The following DGKD variants were observed in gnomAD, a reference collection of about 807,000 sequenced individuals.
DGKD encodes the protein diacylglycerol kinase delta, also known as DAG kinase delta.
DGKD carries 68 observed loss-of-function variants against 154.4 expected under a neutral mutation model. The ratio of observed to expected loss-of-function variants is 0.44; its 90% CI spans 0.36 to 0.54. DGKD has a LOEUF of 0.54. Ranked by LOEUF, DGKD falls within the 20% of genes least tolerant of loss-of-function variation. DGKD has a pLI of 0.00. For missense variants in DGKD, 1,343 were observed against 1,593.6 expected, an observed-to-expected ratio of 0.84 and a Z score of 2.68; for synonymous variants, 693 against 638.0, an observed-to-expected ratio of 1.09 and a Z score of -1.30.
rs13403445 is a variant in DGKD at position 233,431,488 on chromosome 2, A to G, written c.349-2892A>G. ...TGGAAAAAATAATTCTAAAATTTAT[A>G]TGGATCCAGAATAGCCAAAAGACCC... is the stretch of plus-strand genomic sequence containing the variant. On this transcript the variant is annotated intron_variant, in intron 3 of 29. Transcript: ENST00000264057. Among the ~76,000 whole-genome samples the G allele has an allele frequency of 7.5e-3, 1,135 of 152,332 alleles. 11 individuals carry two copies. The highest frequency in any genetic ancestry group is 0.026 in the African/African-American group (1,062 of 41,562).
intron 3 of DGKD, among the ~76,000 whole-genome samples, chr2:233,431,750 T>G (rs544451994): frequency 6.6e-6 from 1 of 152,360 alleles, no homozygotes; most frequent in Non-Finnish European, 1.5e-5. Context: ...TAAATGGTGC[T>G]GGGAAAACTG....
At chr2:233,367,685 C>T (rs189390731) in intron 1 of DGKD, among the ~76,000 whole-genome samples, 654 of 152,256 alleles carry the variant, frequency 4.3e-3, no homozygotes, top group Admixed American at 6.9e-3. Context: ...CAAAGACTCT[C>T]ACTTCTATAT....
chr2:233,438,426 G>C lies in DGKD; in HGVS notation c.1085+47G>C, dbSNP rs2062770309. 6.4e-7 allele frequency: 1 copy of C among 1,550,434 alleles called. No homozygotes were observed. The highest frequency in any genetic ancestry group is 1.4e-5 in the African/African-American group (1 of 70,262). Reference sequence around the variant, plus strand: ...TCTTTCTTGGAGTTTTAAAAATTGTGTAGATAGTGTGTGCTTGTTAAAAAA... The same window carrying C: ...TCTTTCTTGGAGTTTTAAAAATTGTCTAGATAGTGTGTGCTTGTTAAAAAA... On this transcript the variant is annotated intron_variant, in intron 9 of 29. Coordinates refer to ENST00000264057, the MANE Select transcript of DGKD (RefSeq NM_152879.3). The surrounding 1 kb of genome is among the most constrained non-coding windows in gnomAD (Gnocchi z 4.1).
intron 26 of DGKD, among the ~76,000 whole-genome samples, chr2:233,463,419 A>G (rs1201912588): frequency 1.6e-5 from 2 of 127,372 alleles, no homozygotes; most frequent in African/African-American, 6.2e-5. Context: ...GCATCTCCTC[A>G]CTCCACGCAT....
chr2:233,385,861 C>T (rs1703142656), intron 1 of DGKD: 5 of 442,420 alleles, frequency 1.1e-5, no homozygotes, highest in Admixed American at 1.1e-4. Flanking sequence ...TGGTCTTTAT[C>T]TTTTCCCCAG....
At chr2:233,401,848 A>G (rs1335304832) in intron 3 of DGKD, among the ~76,000 whole-genome samples, 1 of 138,790 alleles carries the variant, frequency 7.2e-6, no homozygotes, top group African/African-American at 2.7e-5. Context: ...TGAACCCGGG[A>G]GGCAGAGGTT....
chr2:233,381,925 T>A (rs549640138), intron 1 of DGKD, among the ~76,000 whole-genome samples: 1 of 152,276 alleles, frequency 6.6e-6, no homozygotes, highest in South Asian at 2.1e-4. Context: ...AAAATACTCA[T>A]GAAAATTTAA....
chr2:233,459,928 A>G lies in DGKD; in HGVS notation c.2829+37A>G, dbSNP rs1221137260. On this transcript the variant is annotated intron_variant, in intron 23 of 29. Transcript: ENST00000264057. This position sits in a 1 kb window ranked among gnomAD's most constrained non-coding sequence, Gnocchi z 5.7. ...TGCCCGCGGTACCTGGGTGGGGTAC[A>G]GGGCTCACCTGTGGGCTCTTGTGTG... 2 of 1,604,216 alleles carry G rather than the reference A, an allele frequency of 1.2e-6. No individual in the cohort carries two copies. Among genetic ancestry groups the G allele is most frequent in the Admixed American group, 1.7e-5 (1 of 58,854 alleles).
chr2:233,467,037 C>T (rs941668449), intron 27 of DGKD, 49 bp from the exon 28 acceptor site: 16 of 1,445,210 alleles, frequency 1.1e-5, no homozygotes, highest in Middle Eastern at 1.7e-4. Flanking sequence ...GGCATGAGGC[C>T]GTGATCAGTT....
intron 1 of DGKD, among the ~76,000 whole-genome samples, chr2:233,359,671 A>G (rs1366131521): frequency 6.6e-6 from 1 of 152,174 alleles, no homozygotes; most frequent in African/African-American, 2.4e-5. Context: ...TACTAGTGGG[A>G]ATACCATGGG....
At chr2:233,363,653 C>CA (rs1220940883) in intron 1 of DGKD, among the ~76,000 whole-genome samples, 1 of 152,224 alleles carries the variant, frequency 6.6e-6, no homozygotes, top group African/African-American at 2.4e-5. Flanking sequence ...GAGCAACTTC[C>CA]AGCCCTGCAA....
rs763855669 is a variant in DGKD, at chr2:233,467,168, A to C, written c.3389A>C (p.Lys1130Thr). The change falls in exon 28 of 30, where the codon AAG (lysine) becomes ACG (threonine). Residue 1130 changes from lysine (K) to threonine (T), a missense_variant. This residue lies in a region of DGKD where 429 missense variants were observed against 496.3 expected (regional missense o/e 0.86). Transcript: ENST00000264057. ...AAGTTTAAAAAGGAGAAAAACAACA[A>C]GAACAAAGAAGCTCACAGTAGCCTG... Reference protein sequence around the residue: ...VTKFKKEKNNKNKEAHSSLGA... With the variant: ...VTKFKKEKNNTNKEAHSSLGA... 1.2e-6 allele frequency: 2 copies of C among 1,614,214 alleles called. No individual in the cohort carries two copies. Among genetic ancestry groups the C allele is most frequent in the Non-Finnish European group, 1.7e-6 (2 of 1,180,028 alleles).
intron 17 of DGKD, 112 bp downstream of exon 17, chr2:233,451,162 A>T: frequency 9.0e-7 from 1 of 1,108,110 alleles, no homozygotes; most frequent in African/African-American, 1.6e-5. Context: ...CCCCTGAGAA[A>T]GATAGGTGGA....
At position 233,354,570 on chromosome 2, in the gene DGKD, C is replaced by A; in HGVS notation, c.52C>A (p.Pro18Thr). ...PPPGPPQPPP[P>T]PPPEESSDSE... ...GCCGGGTCCCCCGCAACCGCCTCCGCCGCCGCCGCCCGAGGAGTCGTCCGA... is the reference window on the plus strand; with the variant it reads ...GCCGGGTCCCCCGCAACCGCCTCCGACGCCGCCGCCCGAGGAGTCGTCCGA... The change falls in exon 1 of 30, where the codon CCG (proline) becomes ACG (threonine). Residue 18 changes from proline (P) to threonine (T), a missense_variant. Pro to Thr is a conservative substitution (Grantham distance 38). Around this residue, in one of 6 missense-constraint regions of DGKD, gnomAD observed 57 missense variants for 27.8 expected, o/e 2.05. Transcript: ENST00000264057. The surrounding 1 kb of genome is among the most constrained non-coding windows in gnomAD (Gnocchi z 4.8). 9.3e-7 allele frequency: 1 copy of A among 1,072,056 alleles called. No homozygotes were observed. 66.4% of individuals were successfully genotyped at this position (1,072,056 alleles called of 1,614,324 possible). A position where few individuals can be genotyped will look rare whatever the true frequency, so the allele number is the denominator to read the frequency against.
intron 3 of DGKD, among the ~76,000 whole-genome samples, chr2:233,425,777 C>G (rs374084259): frequency 6.6e-6 from 1 of 152,192 alleles, no homozygotes; most frequent in African/African-American, 2.4e-5. Context: ...TTACTGTAGC[C>G]AGTCTCTACC....
chr2:233,398,078 T>TCCCACCC (rs2061463533), intron 3 of DGKD, among the ~76,000 whole-genome samples: 1 of 59,874 alleles, frequency 1.7e-5, no homozygotes, highest in African/African-American at 6.6e-5. Context: ...CCCTCCCAGC[T>TCCCACCC]CCCACCCCCC....
At chr2:233,415,896 T>C (rs550205341) in intron 3 of DGKD, among the ~76,000 whole-genome samples, 8 of 152,300 alleles carry the variant, frequency 5.3e-5, no homozygotes, top group African/African-American at 1.9e-4. Flanking sequence ...AAAGCACTGA[T>C]TGGCAGGCAT....
chr2:233,399,276 A>G (rs2061498981), intron 3 of DGKD, among the ~76,000 whole-genome samples: 1 of 152,238 alleles, frequency 6.6e-6, no homozygotes, highest in African/African-American at 2.4e-5. Flanking sequence ...TTCCCAGCAC[A>G]CAGTAGGTGC....
chr2:233,469,288 G>A (rs2063927722), intron 29 of DGKD, 83 bp from the exon 30 acceptor site: 3 of 1,201,080 alleles, frequency 2.5e-6, no homozygotes, highest in Non-Finnish European at 3.6e-6. Flanking sequence ...CGAATGGGAA[G>A]GGCCGTTGTG....
Sources: allele counts gnomAD v4.1 joint callset (sites outside exome capture counted in the v4.1 genomes callset), GRCh38; gene constraint gnomAD v4.1.1; regional missense constraint gnomAD v4.1.1; non-coding constraint Gnocchi (gnomAD v3.1); transcripts MANE v1.5; gene names NCBI Gene and HGNC (gene_info 2026-07-23, HGNC 2026-07-21).